The following SORL1 variants were observed in gnomAD, a reference collection of about 807,000 sequenced individuals.
The protein encoded by SORL1 is sortilin-related receptor.
SORL1 carries 127 observed loss-of-function variants against 273.7 expected under a neutral mutation model. That is an observed-to-expected ratio of 0.46 (90% CI 0.40 to 0.54). SORL1 has a LOEUF of 0.54. SORL1 is among the 20% of genes least tolerant of loss of function. SORL1 has a pLI of 0.00. For synonymous variants in SORL1, 1,031 were observed against 1,067.4 expected, an observed-to-expected ratio of 0.97 and a Z score of 0.66; for missense variants, 2,494 against 2,846.1, an observed-to-expected ratio of 0.88 and a Z score of 2.81.
chr11:121,533,390 C>A (rs1006232436), intron 12 of SORL1, among the ~76,000 whole-genome samples: 1 of 152,106 alleles, frequency 6.6e-6, no homozygotes, highest in African/African-American at 2.4e-5. Context: ...TTGGGTTTTT[C>A]GATTGCGTCC....
rs187232881 is a variant in SORL1, at chr11:121,589,915, T to C, written c.4079-125T>C. ...CCATTGGGTCCATGAAGCTGCCTTA[T>C]CTCTTTATGGGTGGGAAGTGTGGGT... On this transcript the variant is annotated intron_variant, in intron 29 of 47. Transcript: ENST00000260197. 9.5e-5 allele frequency: 108 copies of C among 1,139,116 alleles called. 1 individual carries two copies. The highest frequency in any genetic ancestry group is 4.3e-4 in the Middle Eastern group (2 of 4,624). 70.6% of individuals were successfully genotyped at this position (1,139,116 alleles called of 1,614,324 possible). A position where few individuals can be genotyped will look rare whatever the true frequency, so the allele number is the denominator to read the frequency against.
intron 39 of SORL1, chr11:121,611,867 A>T (rs537773577): frequency 4.7e-4 from 72 of 152,538 alleles, no homozygotes; most frequent in African/African-American, 1.6e-3. Flanking sequence ...TCGGCCGGGC[A>T]TGGTGGCTCA....
chr11:121,541,527 C>T (rs1230825649), intron 12 of SORL1, among the ~76,000 whole-genome samples: 1 of 152,142 alleles, frequency 6.6e-6, no homozygotes, highest in Non-Finnish European at 1.5e-5. Context: ...TTTTAATAAT[C>T]TCAATATGAG....
Position 121,605,491 on chromosome 11 carries a change from A to G in SORL1, c.4868A>G (p.Tyr1623Cys), listed in dbSNP as rs769585272. The G allele has an allele frequency of 6.2e-7, 1 of 1,614,198 alleles. No homozygotes were observed. The change falls in exon 35 of 48, where the codon TAT becomes TGT. Residue 1623 changes from tyrosine (Y) to cysteine (C), a missense_variant. Tyr to Cys is a radical substitution (Grantham distance 194). Coordinates refer to ENST00000260197, the MANE Select transcript of SORL1 (RefSeq NM_003105.6). ...AAAGTCTTGAAACCAGATACCACGT[A>G]TCAGGTTAAAGTACAGGTTCAGTGT... is the stretch of plus-strand genomic sequence containing the variant. ...VLKVLKPDTT[Y>C]QVKVQVQCLS...
chr11:121,621,019 T>C (rs1271031180), intron 43 of SORL1, 45 bp from the exon 44 acceptor site: 8 of 1,426,002 alleles, frequency 5.6e-6, no homozygotes, highest in Non-Finnish European at 7.8e-6. Flanking sequence ...GAGTGAAAAA[T>C]GTCAACTTTC....
At chr11:121,498,196 C>T (rs767783279) in intron 6 of SORL1, among the ~76,000 whole-genome samples, 1 of 152,182 alleles carries the variant, frequency 6.6e-6, no homozygotes, top group Non-Finnish European at 1.5e-5. Context: ...GTTTCTTTAT[C>T]TTTCTCTTAA....
chr11:121,464,944 A>G (rs1861060850), intron 1 of SORL1, among the ~76,000 whole-genome samples: 1 of 152,204 alleles, frequency 6.6e-6, no homozygotes, highest in Non-Finnish European at 1.5e-5. Context: ...TTAAGAGTGG[A>G]AGCTCCTAGG....
chr11:121,582,506 A>C (rs1415261116), intron 25 of SORL1, among the ~76,000 whole-genome samples: 3 of 152,254 alleles, frequency 2.0e-5, no homozygotes, highest in Non-Finnish European at 4.4e-5. Flanking sequence ...CAGAGGAGGA[A>C]GAGGAAATCA....
At chr11:121,513,290 A>G (rs1016378810) in intron 7 of SORL1, among the ~76,000 whole-genome samples, 186 bp downstream of exon 7, 3 of 152,232 alleles carry the variant, frequency 2.0e-5, no homozygotes, top group Admixed American at 1.3e-4. Flanking sequence ...ACTGAAGCAG[A>G]GCTGAACGAG....
intron 14 of SORL1, among the ~76,000 whole-genome samples, chr11:121,547,443 A>AAAAAAAAAAAAAAC (rs1862448021): frequency 6.8e-6 from 1 of 147,662 alleles, no homozygotes; most frequent in African/African-American, 2.5e-5. Context: ...AAAAAAAAAA[A>AAAAAAAAAAAAAAC]AATCACACAC....
chr11:121,618,955 A>C, intron 42 of SORL1, 62 bp downstream of exon 42: 9 of 1,592,602 alleles, frequency 5.7e-6, no homozygotes, highest in African/African-American at 1.3e-5. Flanking sequence ...CTCTGGTCTC[A>C]ACCCAGGACC....
chr11:121,589,609 T>C (rs1863178554), intron 29 of SORL1, among the ~76,000 whole-genome samples: 1 of 152,206 alleles, frequency 6.6e-6, no homozygotes, highest in Non-Finnish European at 1.5e-5. Flanking sequence ...TCTCCTTTCC[T>C]TTCTGTGGTT....
chr11:121,514,449 G>T, intron 8 of SORL1, 128 bp downstream of exon 8: 1 of 897,046 alleles, frequency 1.1e-6, no homozygotes, highest in Non-Finnish European at 1.7e-6. Context: ...GAAACCCGAT[G>T]CCTGGCTCAC....
intron 31 of SORL1, among the ~76,000 whole-genome samples, chr11:121,592,646 C>T (rs1863232948): frequency 6.6e-6 from 1 of 152,202 alleles, no homozygotes; most frequent in African/African-American, 2.4e-5. Flanking sequence ...GTGTGGACTT[C>T]CTGTTTGGGA....
chr11:121,571,223 A>G (rs1862838432), intron 23 of SORL1, among the ~76,000 whole-genome samples: 1 of 152,214 alleles, frequency 6.6e-6, no homozygotes, highest in Admixed American at 6.5e-5. Context: ...AGCTCTGGAG[A>G]GTGTCTGGGG....
chr11:121,614,459 A>G (rs559425523), intron 40 of SORL1: 1 of 177,122 alleles, frequency 5.6e-6, no homozygotes, highest in South Asian at 1.1e-4. Context: ...TCCTGTTACT[A>G]GACAATCAAA....
chr11:121,472,303 A>G (rs930131587), intron 2 of SORL1, among the ~76,000 whole-genome samples: 1 of 152,220 alleles, frequency 6.6e-6, no homozygotes, highest in East Asian at 1.9e-4. Context: ...TGGAATTTTT[A>G]TGCGTTTAAA....
intron 11 of SORL1, among the ~76,000 whole-genome samples, chr11:121,529,049 G>A (rs1318712733): frequency 1.3e-5 from 2 of 152,050 alleles, no homozygotes; most frequent in African/African-American, 4.8e-5. Context: ...TATGCATTTT[G>A]AGTCTCTGTT....
At chr11:121,477,873 CA>C (rs998821473) in intron 2 of SORL1, among the ~76,000 whole-genome samples, 3 of 150,530 alleles carry the variant, frequency 2.0e-5, no homozygotes, top group South Asian at 2.1e-4. Flanking sequence ...GCTAAAAATA[CA>C]AAAAAAAATT....
Sources: allele counts gnomAD v4.1 joint callset (sites outside exome capture counted in the v4.1 genomes callset), GRCh38; gene constraint gnomAD v4.1.1; transcripts MANE v1.5; gene names NCBI Gene and HGNC (gene_info 2026-07-23, HGNC 2026-07-21).